ATG7: variants seen among roughly 807,000 people sequenced by gnomAD.
ATG7 encodes the protein autophagy related 7.
ATG7 carries 70 observed loss-of-function variants against 82.4 expected under a neutral mutation model. The observed-to-expected ratio is 0.85, with a 90% CI of 0.70 to 1.04. The LOEUF (loss-of-function observed/expected upper bound fraction) is 1.04, where lower values mean the gene tolerates loss of function less well. ATG7 is among the 50% of genes least tolerant of loss of function. The pLI, the probability that ATG7 is intolerant of heterozygous loss-of-function variation, is 0.00. For synonymous variants in ATG7, 287 were observed against 313.0 expected (o/e 0.92, Z 0.88); for missense variants, 792 against 864.3 (o/e 0.92, Z 1.05).
intron 20 of ATG7, among the ~76,000 whole-genome samples, chr3:11,545,701 C>T (rs1429600147): frequency 2.6e-5 from 4 of 152,066 alleles, no homozygotes; most frequent in Non-Finnish European, 2.9e-5. Context: ...CTCTCCTGGG[C>T]GTGTGTCTCT....
chr3:11,308,173 T>C (rs1285657468), intron 6 of ATG7, among the ~76,000 whole-genome samples: 1 of 152,218 alleles, frequency 6.6e-6, no homozygotes, highest in Non-Finnish European at 1.5e-5. Context: ...AACTTACTTC[T>C]GCTTACTTAT....
At chr3:11,451,803 AT>A (rs57131610) in intron 20 of ATG7, among the ~76,000 whole-genome samples, 137,884 of 139,730 alleles carry the variant, frequency 0.99, 68,032 homozygotes, top group South Asian at 1. Context: ...AAAAAAACAA[AT>A]TAAAAAAACC....
chr3:11,512,850 G>A (rs2092125051), intron 20 of ATG7, among the ~76,000 whole-genome samples: 1 of 152,042 alleles, frequency 6.6e-6, no homozygotes, highest in South Asian at 2.1e-4. Flanking sequence ...CTGCTGATTG[G>A]TCCATTTTAC....
intron 20 of ATG7, among the ~76,000 whole-genome samples, chr3:11,484,816 A>G (rs2089441398): frequency 6.6e-6 from 1 of 152,068 alleles, no homozygotes; most frequent in African/African-American, 2.4e-5. Flanking sequence ...TTCTTGCGAT[A>G]GTTTACTGAG....
At chr3:11,276,787 G>T (rs1462043271) in intron 1 of ATG7, among the ~76,000 whole-genome samples, 1 of 152,012 alleles carries the variant, frequency 6.6e-6, no homozygotes, top group East Asian at 1.9e-4. Flanking sequence ...TTTTTGCCAA[G>T]ACTCTGCCCT....
rs144786187 is a variant in ATG7 at position 11,313,405 on chromosome 3, G to A, written c.513G>A (p.Arg171=). ...AGGGGCCAGTGGGTTTGGATCAAAG[G>A]TTTTCACTAAAACAGGTATCAACAA... ...LIQGPVGLDQ[R]FSLKQIEALE... The change falls in exon 8 of 21, where the codon AGG becomes AGA. Residue 171 remains arginine (R), a synonymous_variant. Transcript: ENST00000693202. 29 of 1,609,670 alleles carry A rather than the reference G, an allele frequency of 1.8e-5. No individual in the cohort carries two copies. The African/African-American group carries it at 3.6e-4, about 20-fold the overall frequency.
chr3:11,573,391 G>A, the ATG7 span, among the ~76,000 whole-genome samples: 1 of 148,328 alleles, frequency 6.7e-6, no homozygotes, highest in South Asian at 2.2e-4. Flanking sequence ...AAGAAAGAAA[G>A]AAAGAAAATG....
At chr3:11,308,351 A>T (rs1553607454) in intron 6 of ATG7, 1 of 152,434 alleles carries the variant, frequency 6.6e-6, no homozygotes, top group African/African-American at 2.4e-5. Flanking sequence ...TGCTGAGTAT[A>T]CATAAATTTG....
chr3:11,278,429 T>G (rs1206128294), intron 1 of ATG7, among the ~76,000 whole-genome samples: 1 of 152,240 alleles, frequency 6.6e-6, no homozygotes, highest in African/African-American at 2.4e-5. Flanking sequence ...GTTTCTCTGC[T>G]GCAGCTCCAG....
intron 5 of ATG7, 68 bp downstream of exon 5, chr3:11,299,484 C>T (rs1946450130): frequency 6.7e-7 from 1 of 1,498,102 alleles, no homozygotes; most frequent in African/African-American, 1.4e-5. Context: ...AGCATGCTTG[C>T]CTCCCTCATA....
chr3:11,283,043 G>T (rs936356672), intron 3 of ATG7, among the ~76,000 whole-genome samples: 1 of 152,196 alleles, frequency 6.6e-6, no homozygotes, highest in Non-Finnish European at 1.5e-5. Flanking sequence ...AGGCACTTCA[G>T]GGCCAAATTG....
At chr3:11,561,672 C>A (rs570023909), downstream of ATG7, among the ~76,000 whole-genome samples, 2 of 152,256 alleles carry the variant, frequency 1.3e-5, no homozygotes, top group South Asian at 4.1e-4. Context: ...TCCCCTCCCC[C>A]ACACCCTTAT....
rs562622738 is a variant in ATG7, at chr3:11,292,405, G to A, written c.-10-6281G>A. ...CTCCCAAATAGCTGGGATTACAGGC[G>A]TGCACCACCACACCTGGGTAATTTT... is the stretch of plus-strand genomic sequence containing the variant. On this transcript the variant is annotated intron_variant, in intron 3 of 20. Coordinates refer to ENST00000693202, the MANE Select transcript of ATG7 (RefSeq NM_001349232.2). Among the ~76,000 whole-genome samples the A allele has an allele frequency of 9.2e-5, 14 of 151,992 alleles. No homozygotes were observed. The South Asian group carries it at 2.1e-3, about 23-fold the overall frequency.
the ATG7 span, chr3:11,568,878 G>A: frequency 3.5e-5 from 47 of 1,347,652 alleles, 1 homozygote; most frequent in Admixed American, 1.3e-4. The surrounding 1 kb of genome is among the most constrained non-coding windows in gnomAD (Gnocchi z 5.9). Context: ...GAGGCTGCAC[G>A]GCACCCGGCC....
At position 11,372,429 on chromosome 3, in the gene ATG7, A is replaced by G. The variant is rs905215713; in HGVS notation, c.1876-7543A>G. On this transcript the variant is annotated intron_variant, in intron 18 of 20. Transcript: ENST00000693202. ...CGTACTTTTCTGCAGTGTTTTGAAAAATTAAGATTATAAGCCTTTTTTAAA... is the reference window on the plus strand; with the variant it reads ...CGTACTTTTCTGCAGTGTTTTGAAAGATTAAGATTATAAGCCTTTTTTAAA... Among the ~76,000 whole-genome samples the G allele has an allele frequency of 4.6e-5, 7 of 151,026 alleles. 1 individual carries two copies. The highest frequency in any genetic ancestry group is 1.7e-4 in the African/African-American group (7 of 40,896).
intron 20 of ATG7, among the ~76,000 whole-genome samples, chr3:11,438,416 T>G (rs771189764): frequency 2.0e-5 from 3 of 152,102 alleles, no homozygotes; most frequent in Non-Finnish European, 4.4e-5. Flanking sequence ...CTATCAAGAT[T>G]TTAGCCAGGC....
rs540287708 is a variant in ATG7 at position 11,371,368 on chromosome 3, C to T, written c.1875+6634C>T. Among the ~76,000 whole-genome samples, 6 of 151,144 alleles carry T rather than the reference C, an allele frequency of 4.0e-5. No homozygotes were observed. The East Asian group carries it at 1.2e-3, about 29-fold the overall frequency. On this transcript the variant is annotated intron_variant, in intron 18 of 20. Coordinates refer to ENST00000693202, the MANE Select transcript of ATG7 (RefSeq NM_001349232.2). ...ACCTGCGAGACAGCGAGTAAAGGGG[C>T]ACAGCGGAGAAGGCAGGAATGCAGG...
chr3:11,432,993 T>C (rs1231477380), intron 20 of ATG7, among the ~76,000 whole-genome samples: 2 of 152,138 alleles, frequency 1.3e-5, no homozygotes, highest in Non-Finnish European at 2.9e-5. Context: ...CAAGTATCTT[T>C]TAAATTGCTG....
rs535229519 is a variant in ATG7 at position 11,461,419 on chromosome 3, C to A, written c.2079+34493C>A. ...CTAATCCTGCTTAGAATTTCCACGGCGTCTTTTCTTCCCTTAAGAGAAATC... is the reference window on the plus strand; with the variant it reads ...CTAATCCTGCTTAGAATTTCCACGGAGTCTTTTCTTCCCTTAAGAGAAATC... On this transcript the variant is annotated intron_variant, in intron 20 of 20. Transcript: ENST00000693202. Among the ~76,000 whole-genome samples the A allele has an allele frequency of 2.0e-5, 3 of 152,122 alleles. No individual in the cohort carries two copies. The East Asian group carries it at 5.8e-4, about 29-fold the overall frequency.
Sources: gnomAD v4.1 joint callset for allele counts (sites outside exome capture counted in the v4.1 genomes callset) on GRCh38, gnomAD v4.1.1 for gene constraint, Gnocchi (gnomAD v3.1) non-coding constraint, MANE v1.5 for transcripts, NCBI Gene and HGNC (gene_info 2026-07-23, HGNC 2026-07-21) for gene names.